DST: variants seen among roughly 807,000 people sequenced by gnomAD.
The protein encoded by DST is bullous pemphigoid antigen.
In DST, 253 loss-of-function variants were observed where a neutral mutation model predicts 875.2. That is an observed-to-expected ratio of 0.29 (90% CI 0.26 to 0.32). DST has a LOEUF of 0.32. DST is among the 10% of genes least tolerant of loss of function. DST has a pLI of 1.00. For missense variants in DST, 8,287 were observed against 9,111.6 expected (o/e 0.91, Z 3.68); for synonymous variants, 3,124 against 3,197.1 (o/e 0.98, Z 0.77).
rs1159536326 is a variant in DST, at chr6:56,572,179, T to C, written c.13642A>G (p.Ser4548Gly). 1.3e-6 allele frequency: 2 copies of C among 1,559,474 alleles called. No homozygotes were observed. Among genetic ancestry groups the C allele is most frequent in the Non-Finnish European group, 1.7e-6 (2 of 1,151,610 alleles). ...TTTTCAAGGACCAAAGCCTTATCACTTGGTAAGCCATGGCTGGATATCTCC... is the reference window on the plus strand; with the variant it reads ...TTTTCAAGGACCAAAGCCTTATCACCTGGTAAGCCATGGCTGGATATCTCC... ...LKEISSHGLPSDKALVLEKTN... is the reference protein window; with the variant it reads ...LKEISSHGLPGDKALVLEKTN... Residue 4548 changes from serine (S) to glycine (G), a missense_variant, in exon 53 of 104, where the codon AGT (serine) becomes GGT (glycine). Around this residue, in one of 10 missense-constraint regions of DST, gnomAD observed 1,513 missense variants for 1,677.8 expected, o/e 0.90. Coordinates refer to ENST00000680361, the MANE Select transcript of DST (RefSeq NM_001374736.1).
intron 50 of DST, among the ~76,000 whole-genome samples, chr6:56,577,457 T>G (rs1039313468): frequency 6.6e-6 from 1 of 152,196 alleles, no homozygotes; most frequent in Non-Finnish European, 1.5e-5. Context: ...TTATAACACA[T>G]AGAATAATAC....
chr6:56,536,967 T>A, intron 61 of DST, 27 bp from the exon 62 acceptor site: 1 of 1,602,566 alleles, frequency 6.2e-7, no homozygotes, highest in Non-Finnish European at 8.5e-7. Flanking sequence ...AATAATTATA[T>A]GAGTTATATT....
intron 9 of DST, among the ~76,000 whole-genome samples, chr6:56,681,033 G>A (rs975500965): frequency 1.3e-5 from 2 of 152,132 alleles, no homozygotes; most frequent in African/African-American, 4.8e-5. Flanking sequence ...ATTACTAATA[G>A]GTAGAAGTCA....
chr6:56,464,854 T>A, intron 99 of DST, 98 bp from the exon 100 acceptor site: 1 of 889,656 alleles, frequency 1.1e-6, no homozygotes, highest in Non-Finnish European at 1.8e-6. Flanking sequence ...GGTGCTCACA[T>A]CTGGCCTTTA....
At chr6:56,737,265 T>C (rs1388914424) in intron 4 of DST, among the ~76,000 whole-genome samples, 1 of 152,128 alleles carries the variant, frequency 6.6e-6, no homozygotes, top group Non-Finnish European at 1.5e-5. Flanking sequence ...AAAATAATAA[T>C]ATAAAGTAAC....
intron 3 of DST, among the ~76,000 whole-genome samples, chr6:56,869,913 T>C (rs13195825): frequency 0.12 from 18,732 of 152,004 alleles, 1,504 homozygotes; most frequent in Middle Eastern, 0.2. Context: ...CTTGAACTCC[T>C]GAGCTCAAGC....
At chr6:56,567,673 A>G (rs1434262125) in intron 55 of DST, among the ~76,000 whole-genome samples, 1 of 152,136 alleles carries the variant, frequency 6.6e-6, no homozygotes, top group African/African-American at 2.4e-5. Context: ...AGTGGAATAA[A>G]TGGTTGGCTG....
chr6:56,526,388 G>C lies in DST; in HGVS notation c.18102C>G (p.Ile6034Met). Residue 6034 changes from isoleucine to methionine, a missense_variant, in exon 69 of 104, where the codon ATC becomes ATG. This residue lies in a region of DST where 777 missense variants were observed against 764.8 expected (regional missense o/e 1.02). Transcript: ENST00000680361. ...GCTGTGATCGCAGAATGGCTGCATCGATCTCCTCCACCTTCTGAGTGATGG... is the reference window on the plus strand; with the variant it reads ...GCTGTGATCGCAGAATGGCTGCATCCATCTCCTCCACCTTCTGAGTGATGG... ...SDTITQKVEE[I>M]DAAILRSQQF... 2 of 1,613,700 alleles carry C rather than the reference G, an allele frequency of 1.2e-6. No individual in the cohort carries two copies. Among genetic ancestry groups the C allele is most frequent in the Non-Finnish European group, 1.7e-6 (2 of 1,179,794 alleles).
intron 15 of DST, among the ~76,000 whole-genome samples, chr6:56,643,364 ATTTG>A (rs543401506): frequency 1.2e-3 from 183 of 152,346 alleles, no homozygotes; most frequent in African/African-American, 4.2e-3. Context: ...CCACCATGTC[ATTTG>A]TTTATTAGGT....
intron 2 of DST, among the ~76,000 whole-genome samples, chr6:56,927,936 A>C (rs1467777363): frequency 1.3e-5 from 2 of 152,190 alleles, no homozygotes; most frequent in Non-Finnish European, 2.9e-5. Context: ...CCAAAGGATG[A>C]GATTAAGTTA....
chr6:56,470,292 T>G lies in DST; in HGVS notation c.22322-10A>C. ...CGACTGGTTGGAAACTCTAAAATTT[T>G]GAAAACAATGGTAAGTAGTGACTTG... On this transcript the variant is annotated splice_polypyrimidine_tract_variant and intron_variant, in intron 95 of 103. Transcript: ENST00000680361. The G allele has an allele frequency of 6.3e-7, 1 of 1,585,528 alleles. No homozygotes were observed. The highest frequency in any genetic ancestry group is 8.6e-7 in the Non-Finnish European group (1 of 1,163,716).
chr6:56,781,792 T>C (rs1361928372), intron 4 of DST, among the ~76,000 whole-genome samples: 1 of 152,124 alleles, frequency 6.6e-6, no homozygotes, highest in East Asian at 1.9e-4. Flanking sequence ...GGCATCCCTG[T>C]CTTGTGCCAG....
intron 10 of DST, among the ~76,000 whole-genome samples, chr6:56,654,415 G>A (rs1401303971): frequency 6.6e-6 from 1 of 151,954 alleles, no homozygotes; most frequent in African/African-American, 2.4e-5. Context: ...TTGGAAGTGA[G>A]ACTAAAAATT....
Position 56,608,574 on chromosome 6 carries a change from C to T in DST, c.6054G>A (p.Arg2018=). The change falls in exon 40 of 104, where the codon AGG becomes AGA. Residue 2018 remains arginine (R), a synonymous_variant. Transcript: ENST00000680361. ...EEAVREGVID[R]DTASSILTYQ... ...ATGTGAGGATACTGCTAGCAGTGTCCCTGTCAATCACCCCTTCTCTGACAG... is the reference window on the plus strand; with the variant it reads ...ATGTGAGGATACTGCTAGCAGTGTCTCTGTCAATCACCCCTTCTCTGACAG... 6.2e-7 allele frequency: 1 copy of T among 1,613,416 alleles called. No homozygotes were observed. Among genetic ancestry groups the T allele is most frequent in the Non-Finnish European group, 8.5e-7 (1 of 1,179,716 alleles).
chr6:56,518,465 C>T (rs532062030), intron 69 of DST, among the ~76,000 whole-genome samples: 1 of 105,930 alleles, frequency 9.4e-6, no homozygotes, highest in East Asian at 3.3e-4. Context: ...CCATGTCATA[C>T]TCCTTTAAAT....
At chr6:56,927,186 T>G (rs967150905) in intron 2 of DST, among the ~76,000 whole-genome samples, 3 of 152,160 alleles carry the variant, frequency 2.0e-5, no homozygotes, top group Non-Finnish European at 4.4e-5. Flanking sequence ...CAAACATCAT[T>G]TTATCTATTA....
At chr6:56,563,271 T>C (rs867411523) in intron 55 of DST, among the ~76,000 whole-genome samples, 9 of 152,234 alleles carry the variant, frequency 5.9e-5, no homozygotes, top group African/African-American at 2.2e-4. Context: ...TTTTTAATGA[T>C]TGCCATTCTA....
intron 12 of DST, among the ~76,000 whole-genome samples, chr6:56,649,397 C>G (rs968375896): frequency 7.2e-5 from 11 of 152,044 alleles, no homozygotes; most frequent in African/African-American, 2.4e-4. Context: ...TATAAACAGG[C>G]AAAATGAAGA....
intron 2 of DST, among the ~76,000 whole-genome samples, chr6:56,924,081 G>A (rs1437829831): frequency 2.0e-5 from 3 of 152,124 alleles, no homozygotes; most frequent in East Asian, 1.9e-4. Flanking sequence ...CCGAGATCAC[G>A]CCACTGCTCT....
Sources: allele counts gnomAD v4.1 joint callset (sites outside exome capture counted in the v4.1 genomes callset), GRCh38; gene constraint gnomAD v4.1.1; regional missense constraint gnomAD v4.1.1; transcripts MANE v1.5; gene names NCBI Gene and HGNC (gene_info 2026-07-23, HGNC 2026-07-21).